Variants in ELOVL6 observed in about 807,000 individuals in gnomAD.
ELOVL6 encodes the protein very long chain fatty acid elongase 6.
Under a neutral mutation model 31.7 loss-of-function variants are expected in ELOVL6, and 8 were observed. The observed-to-expected ratio is 0.25, with a 90% confidence interval of 0.15 to 0.45. The LOEUF (loss-of-function observed/expected upper bound fraction) is 0.45, where lower values mean the gene tolerates loss of function less well. Among genes scored for constraint, ELOVL6 ranks in the 20% least tolerant of loss-of-function variants. ELOVL6 has a pLI of 1.00. For synonymous variants in ELOVL6, 101 were observed against 117.7 expected, an observed-to-expected ratio of 0.86 and a Z score of 0.92; for missense variants, 126 against 326.4, an observed-to-expected ratio of 0.39 and a Z score of 4.73.
chr4:110,193,000 C>T (rs1221742540), intron 1 of ELOVL6, among the ~76,000 whole-genome samples: 1 of 152,196 alleles, frequency 6.6e-6, no homozygotes, highest in Non-Finnish European at 1.5e-5. Context: ...CTCTGGCCTA[C>T]TCTGTTCCAT....
intron 1 of ELOVL6, among the ~76,000 whole-genome samples, chr4:110,135,437 AG>A (rs1434591536): frequency 2.6e-5 from 4 of 152,246 alleles, no homozygotes; most frequent in African/African-American, 9.6e-5. Context: ...TCAAAGCCAA[AG>A]TCAGCAACTT....
intron 1 of ELOVL6, among the ~76,000 whole-genome samples, chr4:110,120,830 T>G (rs957861882): frequency 1.4e-5 from 2 of 145,680 alleles, no homozygotes; most frequent in African/African-American, 5.1e-5. Flanking sequence ...AAACAGAGTC[T>G]CGCTCTATCC....
chr4:110,121,414 C>G (rs944575565), intron 1 of ELOVL6, among the ~76,000 whole-genome samples: 7 of 152,162 alleles, frequency 4.6e-5, no homozygotes, highest in African/African-American at 1.7e-4. Flanking sequence ...TTGTTTTTAT[C>G]AATAACTAAA....
chr4:110,121,677 C>T (rs1026164453), intron 1 of ELOVL6, among the ~76,000 whole-genome samples: 3 of 152,034 alleles, frequency 2.0e-5, no homozygotes, highest in Non-Finnish European at 1.5e-5. Context: ...CCAGCCTGGG[C>T]GACAGATCGA....
chr4:110,152,751 T>C (rs6845268), intron 1 of ELOVL6, among the ~76,000 whole-genome samples: 98,388 of 152,130 alleles, frequency 0.65, 31,923 homozygotes, highest in Admixed American at 0.66. Context: ...ACAACCAGGT[T>C]GCTATATATA....
At chr4:110,057,661 G>C (rs1380299250) in intron 3 of ELOVL6, among the ~76,000 whole-genome samples, 1 of 151,864 alleles carries the variant, frequency 6.6e-6, no homozygotes, top group Non-Finnish European at 1.5e-5. Flanking sequence ...GTCCAGCCTG[G>C]CCAACATGGT....
At chr4:110,117,903 A>AATTATAT (rs1553958740) in intron 1 of ELOVL6, 1 of 6,506 alleles carries the variant, frequency 1.5e-4, no homozygotes, top group African/African-American at 3.3e-4. Context: ...AAAAAAAAAA[A>AATTATAT]ATATATATAT....
At chr4:110,144,915 C>CAAG (rs1758065333) in intron 1 of ELOVL6, among the ~76,000 whole-genome samples, 9 of 152,192 alleles carry the variant, frequency 5.9e-5, no homozygotes, top group Non-Finnish European at 1.2e-4. Context: ...CCTTTCTCTT[C>CAAG]TATTGTAGTC....
intron 2 of ELOVL6, among the ~76,000 whole-genome samples, chr4:110,087,803 G>GAA (rs150416358): frequency 0.076 from 10,214 of 135,252 alleles, 430 homozygotes; most frequent in African/African-American, 0.14. Context: ...AAATAAAATT[G>GAA]TAAAAAAAAA....
intron 2 of ELOVL6, among the ~76,000 whole-genome samples, chr4:110,084,232 A>C (rs1756085078): frequency 8.6e-6 from 1 of 115,738 alleles, no homozygotes; most frequent in Non-Finnish European, 1.6e-5. Flanking sequence ...TATGATATAT[A>C]TAACATATAT....
chr4:110,160,494 TG>T (rs1758602096), intron 1 of ELOVL6, among the ~76,000 whole-genome samples: 1 of 152,176 alleles, frequency 6.6e-6, no homozygotes, highest in Non-Finnish European at 1.5e-5. Context: ...GTTACTGAAA[TG>T]AAGTCAGGGA....
chr4:110,062,234 C>T (rs1755161606), intron 2 of ELOVL6, among the ~76,000 whole-genome samples: 1 of 152,172 alleles, frequency 6.6e-6, no homozygotes, highest in Non-Finnish European at 1.5e-5. Flanking sequence ...TATAATATTG[C>T]TGACAGCAAG....
intron 1 of ELOVL6, among the ~76,000 whole-genome samples, chr4:110,121,389 G>T (rs1457875949): frequency 4.6e-5 from 7 of 152,148 alleles, no homozygotes; most frequent in Non-Finnish European, 8.8e-5. Flanking sequence ...CTAGACTATG[G>T]TAAAGAAGGT....
chr4:110,088,075 A>G lies in ELOVL6; in HGVS notation c.221+17422T>C, dbSNP rs564265376. ...AAAGGATTTTTCCTGTAAAAGAAAC[A>G]AGAAATAATGGATAGCAAAGCCAAG... On this transcript the variant is annotated intron_variant, in intron 2 of 3. Transcript: ENST00000302274. Among the ~76,000 whole-genome samples, 3 of 152,330 alleles carry G rather than the reference A, an allele frequency of 2.0e-5. No homozygotes were observed. The East Asian group carries it at 5.8e-4, about 29-fold the overall frequency.
chr4:110,092,734 A>G (rs1481282465), intron 2 of ELOVL6, among the ~76,000 whole-genome samples: 1 of 152,182 alleles, frequency 6.6e-6, no homozygotes, highest in Non-Finnish European at 1.5e-5. Context: ...AGGCAATTTC[A>G]TTAAAAGTTC....
chr4:110,084,555 C>CAGATAT (rs1560815738), intron 2 of ELOVL6, among the ~76,000 whole-genome samples: 2 of 58,330 alleles, frequency 3.4e-5, no homozygotes, highest in African/African-American at 2.0e-4. Context: ...CACACACACA[C>CAGATAT]ACACACAGAT....
intron 1 of ELOVL6, among the ~76,000 whole-genome samples, chr4:110,160,012 C>T (rs1403013779): frequency 6.6e-6 from 1 of 151,990 alleles, no homozygotes; most frequent in Admixed American, 6.6e-5. Flanking sequence ...CCTCTTTTAA[C>T]ATTAGGAAAA....
chr4:110,074,280 G>A (rs1415484846), intron 2 of ELOVL6, among the ~76,000 whole-genome samples: 1 of 152,150 alleles, frequency 6.6e-6, no homozygotes, highest in Non-Finnish European at 1.5e-5. Flanking sequence ...TACATGCAAT[G>A]TAAATAGTTG....
At chr4:110,179,225 C>T (rs905051532) in intron 1 of ELOVL6, among the ~76,000 whole-genome samples, 5 of 152,080 alleles carry the variant, frequency 3.3e-5, no homozygotes, top group African/African-American at 1.2e-4. Flanking sequence ...CAAAAATAGG[C>T]CAGGTATAGT....
Sources: allele counts gnomAD v4.1 joint callset (sites outside exome capture counted in the v4.1 genomes callset), GRCh38; gene constraint gnomAD v4.1.1; transcripts MANE v1.5; gene names NCBI Gene and HGNC (gene_info 2026-07-23, HGNC 2026-07-21).